The following HRH1 variants were observed in gnomAD, a reference collection of about 807,000 sequenced individuals.
HRH1 encodes histamine receptor H1, also known as histamine H1 receptor.
HRH1 carries 6 observed loss-of-function variants against 10.3 expected under a neutral mutation model. The observed-to-expected ratio is 0.58, with a 90% CI of 0.32 to 1.15. The LOEUF (loss-of-function observed/expected upper bound fraction) is 1.15. Among genes scored for constraint, HRH1 ranks in the 50% most tolerant of loss-of-function variants. The probability of loss-of-function intolerance (pLI) is 0.05; values close to 1 mark genes in which losing one functional copy is unlikely to be tolerated. For synonymous variants in HRH1, 242 were observed against 236.7 expected (o/e 1.02, Z -0.21); for missense variants, 514 against 615.3 (o/e 0.84, Z 1.74).
intron 1 of HRH1, among the ~76,000 whole-genome samples, chr3:11,164,328 G>A (rs994463048): frequency 6.6e-6 from 1 of 152,184 alleles, no homozygotes; most frequent in African/African-American, 2.4e-5. Context: ...AGATGTGATG[G>A]GGTGGGCGTG....
intron 1 of HRH1, among the ~76,000 whole-genome samples, chr3:11,159,392 C>T (rs1056879659): frequency 3.9e-5 from 6 of 152,140 alleles, no homozygotes; most frequent in Non-Finnish European, 8.8e-5. Context: ...CCTTTCTATT[C>T]CCAGTTTGCT....
chr3:11,169,925 G>A (rs1937119610), intron 1 of HRH1, among the ~76,000 whole-genome samples: 1 of 152,006 alleles, frequency 6.6e-6, no homozygotes, highest in African/African-American at 2.4e-5. Flanking sequence ...CCTTCTCCAT[G>A]CCCCAGCCCT....
chr3:11,242,407 G>A (rs1299664275), intron 1 of HRH1, among the ~76,000 whole-genome samples: 2 of 143,036 alleles, frequency 1.4e-5, no homozygotes, highest in Non-Finnish European at 3.0e-5. Context: ...GTGTGAACCT[G>A]GAAGGCAGAG....
chr3:11,188,769 C>T (rs975660946), intron 1 of HRH1, among the ~76,000 whole-genome samples: 2 of 152,090 alleles, frequency 1.3e-5, no homozygotes, highest in Admixed American at 1.3e-4. Context: ...GAAAAAAGCT[C>T]ACAATGTCGT....
rs1393084985 is a variant in HRH1 at position 11,168,412 on chromosome 3, C to T, written c.-36+13858C>T. 3.3e-5 allele frequency among the ~76,000 whole-genome samples: 5 copies of T among 152,290 alleles called. No individual in the cohort carries two copies. The Middle Eastern group carries it at 0.017, about 518-fold the overall frequency. On this transcript the variant is annotated intron_variant, in intron 1 of 1. Coordinates refer to ENST00000431010, the MANE Select transcript of HRH1 (RefSeq NM_001098212.2). The stretch of plus-strand genomic sequence containing the variant: ...GCACAGAGGAAGCGGGGGACCCCAC[C>T]GGAGGCCAGTGCTGTCCAAGCCAGG...
chr3:11,221,856 C>G (rs1938721774), intron 1 of HRH1, among the ~76,000 whole-genome samples: 2 of 152,142 alleles, frequency 1.3e-5, no homozygotes, highest in Non-Finnish European at 2.9e-5. Context: ...ATTTCTCTTT[C>G]TCTGATTGGC....
chr3:11,205,980 T>C (rs1938110219), intron 1 of HRH1, among the ~76,000 whole-genome samples: 1 of 151,934 alleles, frequency 6.6e-6, no homozygotes, highest in Non-Finnish European at 1.5e-5. Flanking sequence ...CTTTTGCTGC[T>C]ATCAGATGGC....
intron 1 of HRH1, among the ~76,000 whole-genome samples, chr3:11,213,185 T>C (rs1938383702): frequency 6.6e-6 from 1 of 152,238 alleles, no homozygotes; most frequent in African/African-American, 2.4e-5. Context: ...TGGTAGCTCC[T>C]TGTGGACGAG....
At chr3:11,179,619 CAAA>C (rs573336817) in intron 1 of HRH1, among the ~76,000 whole-genome samples, 1 of 109,382 alleles carries the variant, frequency 9.1e-6, no homozygotes, top group African/African-American at 3.3e-5. Flanking sequence ...GACTCTGTCT[CAAA>C]AAAAAAAAAA....
At chr3:11,138,290 A>G (rs9861698) in intron 1 of HRH1, among the ~76,000 whole-genome samples, 44,969 of 150,806 alleles carry the variant, frequency 0.3, 7,164 homozygotes, top group Admixed American at 0.46. Flanking sequence ...CCAAAGTGCT[A>G]GGATTACAGG....
intron 1 of HRH1, among the ~76,000 whole-genome samples, chr3:11,189,167 G>A (rs1332469508): frequency 1.3e-5 from 2 of 152,128 alleles, no homozygotes; most frequent in Admixed American, 6.5e-5. Flanking sequence ...GCAAGGTCAC[G>A]TGTCTCCTGT....
intron 1 of HRH1, among the ~76,000 whole-genome samples, chr3:11,250,593 A>G (rs903541940): frequency 6.6e-6 from 1 of 152,142 alleles, no homozygotes; most frequent in African/African-American, 2.4e-5. Flanking sequence ...TTGTGCTAGG[A>G]GGCCTTGAGT....
intron 1 of HRH1, among the ~76,000 whole-genome samples, chr3:11,207,524 A>G (rs1938179137): frequency 6.6e-6 from 1 of 152,078 alleles, no homozygotes; most frequent in South Asian, 2.1e-4. Flanking sequence ...AGCCGAGATC[A>G]TGCCACTGCA....
chr3:11,178,905 A>G (rs750117919), intron 1 of HRH1, among the ~76,000 whole-genome samples: 5 of 152,234 alleles, frequency 3.3e-5, no homozygotes, highest in Non-Finnish European at 7.3e-5. Context: ...TTAGGAACTC[A>G]TACTTTTTAG....
At chr3:11,225,669 A>G (rs1938858442) in intron 1 of HRH1, among the ~76,000 whole-genome samples, 1 of 152,214 alleles carries the variant, frequency 6.6e-6, no homozygotes, top group African/African-American at 2.4e-5. Flanking sequence ...ATTACAACCT[A>G]GCTTTATTAT....
chr3:11,198,567 T>C (rs1244435246), intron 1 of HRH1, among the ~76,000 whole-genome samples: 1 of 152,026 alleles, frequency 6.6e-6, no homozygotes. Flanking sequence ...GAGTGAGGAC[T>C]TCCTGTCAAA....
chr3:11,179,556 C>A (rs1162767965), intron 1 of HRH1, among the ~76,000 whole-genome samples: 1 of 147,582 alleles, frequency 6.8e-6, no homozygotes, highest in Admixed American at 6.8e-5. Context: ...GGAGGCGGAG[C>A]TTGCAGTGAG....
At chr3:11,164,270 C>T (rs761081413) in intron 1 of HRH1, among the ~76,000 whole-genome samples, 1 of 152,094 alleles carries the variant, frequency 6.6e-6, no homozygotes, top group Non-Finnish European at 1.5e-5. Flanking sequence ...TTAAGATGCT[C>T]AAGGTGGGTA....
intron 1 of HRH1, among the ~76,000 whole-genome samples, chr3:11,138,463 G>A (rs976011833): frequency 6.6e-6 from 1 of 152,098 alleles, no homozygotes; most frequent in African/African-American, 2.4e-5. Flanking sequence ...CTCACTAGGA[G>A]GGCTATAAGA....
Sources: gnomAD v4.1 joint callset for allele counts (sites outside exome capture counted in the v4.1 genomes callset) on GRCh38, gnomAD v4.1.1 for gene constraint, MANE v1.5 for transcripts, NCBI Gene and HGNC (gene_info 2026-07-23, HGNC 2026-07-21) for gene names.